RAF1: variants seen among roughly 807,000 people sequenced by gnomAD.
RAF1 encodes the protein RAF proto-oncogene serine/threonine-protein kinase.
A neutral mutation model predicts 81.1 loss-of-function variants in RAF1; 27 were observed. The ratio of observed to expected loss-of-function variants is 0.33; its 90% CI spans 0.25 to 0.46. The LOEUF is 0.46. Ranked by LOEUF, RAF1 falls within the 20% of genes least tolerant of loss-of-function variation. The pLI is 1.00. For synonymous variants in RAF1, 298 were observed against 294.0 expected, an observed-to-expected ratio of 1.01 and a Z score of -0.14; for missense variants, 598 against 826.0, an observed-to-expected ratio of 0.72 and a Z score of 3.38.
At chr3:12,642,887 A>G (rs1304483907) in intron 1 of RAF1, among the ~76,000 whole-genome samples, 4 of 151,320 alleles carry the variant, frequency 2.6e-5, no homozygotes, top group South Asian at 2.1e-4. Flanking sequence ...ACTCTGTCTC[A>G]GAAAAAAAAA....
intron 11 of RAF1, among the ~76,000 whole-genome samples, chr3:12,598,645 G>C (rs1445015948): frequency 6.9e-6 from 1 of 145,412 alleles, no homozygotes; most frequent in East Asian, 2.1e-4. Flanking sequence ...AGGACTGTTT[G>C]AGCCCAAGAG....
At chr3:12,592,059 C>T (rs1051872424) in intron 11 of RAF1, 9 of 496,322 alleles carry the variant, frequency 1.8e-5, no homozygotes, top group Non-Finnish European at 2.9e-5. Flanking sequence ...ATTATAGGTC[C>T]AATCTCTACA....
At chr3:12,620,165 CAG>C (rs1435513016) in intron 1 of RAF1, among the ~76,000 whole-genome samples, 2 of 152,104 alleles carry the variant, frequency 1.3e-5, no homozygotes, top group Admixed American at 6.5e-5. Context: ...TCTTTTGAGA[CAG>C]AGTCTCACTC....
intron 1 of RAF1, among the ~76,000 whole-genome samples, chr3:12,653,000 G>A (rs2060580737): frequency 6.6e-6 from 1 of 150,884 alleles, no homozygotes; most frequent in Non-Finnish European, 1.5e-5. Context: ...AAATGATGTT[G>A]GCTGGGTGCG....
chr3:12,657,444 TACTC>T (rs1306882290), intron 1 of RAF1, among the ~76,000 whole-genome samples: 1 of 152,164 alleles, frequency 6.6e-6, no homozygotes, highest in African/African-American at 2.4e-5. Context: ...CATTATTACT[TACTC>T]AAAGAAAATA....
In RAF1 at chr3:12,605,028, C is replaced by A. The variant is rs915277312; in HGVS notation, c.681-739G>T. On this transcript the variant is annotated intron_variant, in intron 6 of 17. Transcript: ENST00000442415. ...TGTTCTATTGTCTTGAAAAAAATGC[C>A]TTCCCACATAATCCTCTGTTTTATG... Among the ~76,000 whole-genome samples, 6 of 152,274 alleles carry A rather than the reference C, an allele frequency of 3.9e-5. No homozygotes were observed. In the East Asian group the frequency reaches 9.7e-4, roughly 25 times the overall value.
intron 12 of RAF1, 140 bp from the exon 12 acceptor site, chr3:12,591,114 C>T: frequency 1.3e-6 from 1 of 747,502 alleles, no homozygotes; most frequent in Non-Finnish European, 2.1e-6. Flanking sequence ...AAAACAAACA[C>T]ATGGCACGGC....
At chr3:12,597,894 GC>G (rs1302239783) in intron 11 of RAF1, among the ~76,000 whole-genome samples, 1 of 151,402 alleles carries the variant, frequency 6.6e-6, no homozygotes, top group Non-Finnish European at 1.5e-5. Flanking sequence ...TCCAGCCTGG[GC>G]AACAGAGCCA....
Position 12,585,798 on chromosome 3 carries a change from A to G in RAF1, c.1479T>C (p.Asn493=), listed in dbSNP as rs1575533273. Residue 493 remains asparagine, a splice_region_variant and synonymous_variant, in exon 15 of 18, where the codon AAT becomes AAC. Transcript: ENST00000442415. ...CTGTTAAGCCTTCATGGAGAAATAT[A>G]TCTCAATGCTTGTTAAGGACTCTGG... The G allele has an allele frequency of 6.3e-7, 1 of 1,594,080 alleles. No homozygotes were observed. Among genetic ancestry groups the G allele is most frequent in the Non-Finnish European group, 8.6e-7 (1 of 1,161,794 alleles).
intron 1 of RAF1, among the ~76,000 whole-genome samples, chr3:12,631,948 T>C (rs2059874639): frequency 6.6e-6 from 1 of 152,228 alleles, no homozygotes; most frequent in South Asian, 2.1e-4. Flanking sequence ...CACATACCCA[T>C]GTACTTTTAC....
chr3:12,587,492 A>G, intron 14 of RAF1, 99 bp downstream of exon 13: 5 of 1,121,174 alleles, frequency 4.5e-6, no homozygotes, highest in Non-Finnish European at 6.8e-6. Flanking sequence ...TTAAAAAGAT[A>G]TCCCCTGGCA....
chr3:12,597,575 T>C (rs971275769), intron 11 of RAF1, among the ~76,000 whole-genome samples: 3 of 152,152 alleles, frequency 2.0e-5, no homozygotes, highest in African/African-American at 4.8e-5. Flanking sequence ...ACAAAGTGCT[T>C]GTGTTCTTTC....
chr3:12,638,580 C>T (rs1046729324), intron 1 of RAF1, among the ~76,000 whole-genome samples: 1 of 152,222 alleles, frequency 6.6e-6, no homozygotes, highest in Non-Finnish European at 1.5e-5. Flanking sequence ...TTTGGCATTC[C>T]CTTCACAGTT....
intron 2 of RAF1, among the ~76,000 whole-genome samples, chr3:12,614,862 G>A (rs2059325243): frequency 6.6e-6 from 1 of 152,122 alleles, no homozygotes; most frequent in Non-Finnish European, 1.5e-5. Flanking sequence ...CTAAGAATGA[G>A]GAAAACAAAG....
At chr3:12,624,899 A>AAC (rs2059658347) in intron 1 of RAF1, among the ~76,000 whole-genome samples, 4 of 147,502 alleles carry the variant, frequency 2.7e-5, no homozygotes, top group South Asian at 2.1e-4. Context: ...AAAAAAAAAA[A>AAC]AAACAAAAAC....
At chr3:12,598,897 G>C (rs1325949949) in intron 11 of RAF1, among the ~76,000 whole-genome samples, 1 of 151,990 alleles carries the variant, frequency 6.6e-6, no homozygotes, top group Non-Finnish European at 1.5e-5. Flanking sequence ...AGTAGTATAG[G>C]CACCAAGGGA....
rs1455608046 is a variant in RAF1, at chr3:12,609,339, G to A, written c.321-4C>T. 13 of 1,591,158 alleles carry A rather than the reference G, an allele frequency of 8.2e-6. No homozygotes were observed. Among genetic ancestry groups the A allele is most frequent in the South Asian group, 1.1e-5 (1 of 90,598 alleles). ...CCAATCTAAGCGTGCTTTTTTACTA[G>A]AAAGGATTTAAAAAAAACATGAAAT... is the stretch of plus-strand genomic sequence containing the variant. On this transcript the variant is annotated splice_polypyrimidine_tract_variant and splice_region_variant and intron_variant, in intron 3 of 17. Transcript: ENST00000442415.
intron 1 of RAF1, among the ~76,000 whole-genome samples, chr3:12,641,490 G>T (rs1256156349): frequency 4.5e-4 from 61 of 134,612 alleles, no homozygotes; most frequent in African/African-American, 1.5e-3. Flanking sequence ...ATGTTTTTTG[G>T]TTTTTTTTTT....
At chr3:12,593,266 A>C (rs1349649665) in intron 11 of RAF1, among the ~76,000 whole-genome samples, 4 of 151,848 alleles carry the variant, frequency 2.6e-5, no homozygotes, top group Non-Finnish European at 4.4e-5. Context: ...TTTTGGGTGG[A>C]GATGGGGTTT....
Sources: allele counts gnomAD v4.1 joint callset (sites outside exome capture counted in the v4.1 genomes callset), GRCh38; gene constraint gnomAD v4.1.1; transcripts MANE v1.5; gene names NCBI Gene and HGNC (gene_info 2026-07-23, HGNC 2026-07-21).